Variants in GLDC observed in about 807,000 individuals in gnomAD.
GLDC encodes glycine decarboxylase.
Under a neutral mutation model 121.3 loss-of-function variants are expected in GLDC, and 104 were observed. The observed-to-expected ratio is 0.86, with a 90% CI of 0.73 to 1.01. GLDC has a LOEUF of 1.01. Ranked by LOEUF, GLDC falls within the 50% of genes least tolerant of loss-of-function variation. The pLI is 0.00. For synonymous variants in GLDC, 546 were observed against 480.6 expected (o/e 1.14, Z -1.78); for missense variants, 1,429 against 1,306.6 (o/e 1.09, Z -1.44).
chr9:6,548,972 C>G (rs1221714802), intron 21 of GLDC, among the ~76,000 whole-genome samples: 1 of 152,164 alleles, frequency 6.6e-6, no homozygotes, highest in Non-Finnish European at 1.5e-5. Context: ...GAATCCTTTT[C>G]CCCTCTCCTT....
In GLDC at chr9:6,558,672, G is replaced by C; in HGVS notation, c.1939C>G (p.Pro647Ala). Residue 647 changes from proline (P) to alanine (A), a missense_variant, in exon 17 of 25, where the codon CCG (proline) becomes GCG (alanine). By Grantham distance (27) the Pro-to-Ala change is conservative. Transcript: ENST00000321612. ...GEGHRTVCLI[P>A]KSAHGTNPAS... is the part of the protein sequence containing the mutation. ...GGGTTGGTCCCATGTGCTGATTTCG[G>C]AATGAGGCAAACCTACAGAATAGAA... 3 of 1,614,180 alleles carry C rather than the reference G, an allele frequency of 1.9e-6. No individual in the cohort carries two copies. The highest frequency in any genetic ancestry group is 2.5e-6 in the Non-Finnish European group (3 of 1,180,032).
intron 2 of GLDC, chr9:6,639,668 A>AAATTATATATATATAT: frequency 4.0e-6 from 1 of 248,648 alleles, no homozygotes; most frequent in Non-Finnish European, 6.4e-6. Context: ...ATAAAAAAAA[A>AAATTATATATATATAT]GTATATATAT....
At chr9:6,533,688 A>G (rs1563826178) in intron 24 of GLDC, among the ~76,000 whole-genome samples, 1 of 151,722 alleles carries the variant, frequency 6.6e-6, no homozygotes, top group Admixed American at 6.6e-5. Flanking sequence ...GAGAAACCCC[A>G]TCTCTACTAA....
At chr9:6,594,778 A>G (rs1408256460) in intron 9 of GLDC, among the ~76,000 whole-genome samples, 1 of 151,850 alleles carries the variant, frequency 6.6e-6, no homozygotes, top group African/African-American at 2.4e-5. Context: ...CAAGAAAAAA[A>G]GAAAGAAAGC....
chr9:6,620,272 G>A lies in GLDC; in HGVS notation c.382C>T (p.Gln128Ter). 6.2e-7 allele frequency: 1 copy of A among 1,613,488 alleles called. No homozygotes were observed. Among genetic ancestry groups the A allele is most frequent in the Non-Finnish European group, 8.5e-7 (1 of 1,179,380 alleles). Reference protein sequence around the residue: ...ATLHAISSKNQIWRSYIGMGY... With the variant: ...ATLHAISSKN ...ATGCCAATATACGATCTCCAGATCTGGTTTTTGCTTGAAATGGCATGCAGA... is the reference window on the plus strand; with the variant it reads ...ATGCCAATATACGATCTCCAGATCTAGTTTTTGCTTGAAATGGCATGCAGA... Residue 128 changes from glutamine to a stop codon, truncating the protein, a stop_gained, in exon 3 of 25, where the codon CAG becomes TAG. Transcript: ENST00000321612. LOFTEE classifies it high-confidence loss of function.
intron 21 of GLDC, among the ~76,000 whole-genome samples, chr9:6,549,578 T>G (rs1400901036): frequency 6.6e-6 from 1 of 152,126 alleles, no homozygotes; most frequent in Non-Finnish European, 1.5e-5. Flanking sequence ...GCTTCTCACC[T>G]TCAATATTCT....
chr9:6,575,746 G>A (rs1440637030), intron 15 of GLDC, among the ~76,000 whole-genome samples: 1 of 152,198 alleles, frequency 6.6e-6, no homozygotes, highest in African/African-American at 2.4e-5. Flanking sequence ...ACATATCCAT[G>A]GGAGGTGTTA....
intron 2 of GLDC, among the ~76,000 whole-genome samples, chr9:6,638,610 T>C (rs1819560410): frequency 1.3e-5 from 2 of 152,116 alleles, no homozygotes; most frequent in Non-Finnish European, 2.9e-5. Context: ...CATGACATTT[T>C]ACCCACAGCT....
Position 6,602,179 on chromosome 9 carries a change from C to T in GLDC, c.1085G>A (p.Arg362His), listed in dbSNP as rs535771852. Residue 362 changes from arginine (R) to histidine (H), a missense_variant, in exon 8 of 25, where the codon CGT becomes CAT. Physicochemically the swap from Arg to His is conservative, Grantham distance 29 (BLOSUM62 0). Transcript: ENST00000321612. ...TTGCTCCCTGGTTTGAAGAGCAAGA[C>T]GATACACTTCTTTCCCAGTGGCATC... ...TRDATGKEVY[R>H]LALQTREQHI... is the part of the protein sequence containing the mutation. The T allele has an allele frequency of 1.5e-5, 24 of 1,611,978 alleles. No homozygotes were observed. The highest frequency in any genetic ancestry group is 1.9e-5 in the Non-Finnish European group (22 of 1,178,392).
chr9:6,620,058 C>T (rs1182733653), intron 3 of GLDC, 126 bp downstream of exon 3: 6 of 903,208 alleles, frequency 6.6e-6, no homozygotes, highest in South Asian at 5.3e-5. Context: ...GGTTCCCGGA[C>T]ATTGGAGACA....
At chr9:6,633,136 C>A (rs1456564083) in intron 2 of GLDC, among the ~76,000 whole-genome samples, 1 of 152,162 alleles carries the variant, frequency 6.6e-6, no homozygotes. Flanking sequence ...TCGGAGGATC[C>A]TTATGTCTTT....
At chr9:6,593,490 A>G (rs1176143486) in intron 9 of GLDC, among the ~76,000 whole-genome samples, 1 of 151,768 alleles carries the variant, frequency 6.6e-6, no homozygotes, top group Non-Finnish European at 1.5e-5. Flanking sequence ...TTTTGAAGAC[A>G]GTGATCTTGC....
chr9:6,549,221 T>A (rs1481598553), intron 21 of GLDC, among the ~76,000 whole-genome samples: 3 of 152,238 alleles, frequency 2.0e-5, no homozygotes, highest in Non-Finnish European at 4.4e-5. Flanking sequence ...CTCCTTATTA[T>A]GCGTCATCAC....
At chr9:6,564,927 T>G (rs918716851) in intron 16 of GLDC, among the ~76,000 whole-genome samples, 1 of 152,242 alleles carries the variant, frequency 6.6e-6, no homozygotes, top group African/African-American at 2.4e-5. Context: ...AAATATTGTT[T>G]GAGCATACTA....
At chr9:6,556,108 C>G in intron 18 of GLDC, 45 bp downstream of exon 18, 1 of 1,540,812 alleles carries the variant, frequency 6.5e-7, no homozygotes, top group African/African-American at 1.4e-5. Context: ...TTCCACATAT[C>G]CATTTTCTCA....
chr9:6,620,688 G>A (rs1477029755), intron 2 of GLDC, among the ~76,000 whole-genome samples: 7 of 152,102 alleles, frequency 4.6e-5, no homozygotes, highest in Non-Finnish European at 1.0e-4. Context: ...GTAAAATACT[G>A]TGTTTTACCT....
chr9:6,589,047 G>A (rs1818324312), intron 12 of GLDC, 148 bp downstream of exon 12: 15 of 716,752 alleles, frequency 2.1e-5, no homozygotes, highest in South Asian at 1.0e-4. Flanking sequence ...AGTCAGGAAC[G>A]GGATCGTTAT....
At chr9:6,639,458 G>T in intron 2 of GLDC, 2 of 911,392 alleles carry the variant, frequency 2.2e-6, no homozygotes, top group South Asian at 2.6e-5. Flanking sequence ...AAGTCAACAA[G>T]CACCAGATTA....
intron 15 of GLDC, among the ~76,000 whole-genome samples, chr9:6,574,557 G>A (rs1354841506): frequency 6.6e-6 from 1 of 152,068 alleles, no homozygotes; most frequent in Non-Finnish European, 1.5e-5. Flanking sequence ...ATTCTGGGGT[G>A]CAGTCCAATG....
Sources: allele counts gnomAD v4.1 joint callset (sites outside exome capture counted in the v4.1 genomes callset), GRCh38; gene constraint gnomAD v4.1.1; transcripts MANE v1.5; gene names NCBI Gene and HGNC (gene_info 2026-07-23, HGNC 2026-07-21).